The following PADI1 variants were observed in gnomAD, a reference collection of about 807,000 sequenced individuals.
PADI1 encodes protein-arginine deiminase type-1.
A neutral mutation model predicts 74.8 loss-of-function variants in PADI1; 65 were observed. That is an observed-to-expected ratio of 0.87 (90% CI 0.71 to 1.07). The LOEUF (loss-of-function observed/expected upper bound fraction) is 1.07, where lower values mean the gene tolerates loss of function less well. PADI1 is among the 50% of genes least tolerant of loss of function. PADI1 has a pLI of 0.00. For synonymous variants in PADI1, 371 were observed against 336.2 expected, an observed-to-expected ratio of 1.10 and a Z score of -1.13; for missense variants, 943 against 854.0, an observed-to-expected ratio of 1.10 and a Z score of -1.30.
chr1:17,243,531 T>C (rs926748224), intron 15 of PADI1, among the ~76,000 whole-genome samples: 1 of 152,204 alleles, frequency 6.6e-6, no homozygotes, highest in African/African-American at 2.4e-5. Flanking sequence ...GCTCAATAAA[T>C]GCTAACAATG....
rs770007543 is a variant in PADI1 at position 17,222,485 on chromosome 1, T to C, written c.273+15T>C. On this transcript the variant is annotated intron_variant, in intron 2 of 15. Coordinates refer to ENST00000375471, the MANE Select transcript of PADI1 (RefSeq NM_013358.3). ...AGGACTTCAAGGTAAGAGGCCACTT[T>C]CTCATAGAAAAGGGTTGGATCTCTC... is the stretch of plus-strand genomic sequence containing the variant. 2 of 1,603,076 alleles carry C rather than the reference T, an allele frequency of 1.2e-6. No homozygotes were observed. Among genetic ancestry groups the C allele is most frequent in the East Asian group, 2.2e-5 (1 of 44,780 alleles).
chr1:17,242,896 C>G (rs1387440680), intron 15 of PADI1, among the ~76,000 whole-genome samples: 1 of 152,114 alleles, frequency 6.6e-6, no homozygotes, highest in Non-Finnish European at 1.5e-5. Flanking sequence ...GCCCCACCCC[C>G]ACTCCCACCC....
chr1:17,239,244 G>A (rs1450612915), intron 13 of PADI1, among the ~76,000 whole-genome samples: 1 of 152,204 alleles, frequency 6.6e-6, no homozygotes, highest in Non-Finnish European at 1.5e-5. Flanking sequence ...AATGGATGTG[G>A]TGCAGACATC....
chr1:17,205,197 G>T lies in PADI1; in HGVS notation c.-21G>T, dbSNP rs760411086. ...CTGGGGAGCCAGGGCTGATCTAGGA[G>T]GCTGGGAGCCAGGTGACAGGATGGC... On this transcript the variant is annotated 5_prime_UTR_variant, in exon 1 of 16. The change creates a new upstream start codon in the 5' untranslated region. Transcript: ENST00000375471. 18 of 1,608,894 alleles carry T rather than the reference G, an allele frequency of 1.1e-5. No individual in the cohort carries two copies. The East Asian group carries it at 3.8e-4, about 34-fold the overall frequency.
intron 6 of PADI1, among the ~76,000 whole-genome samples, chr1:17,228,175 A>G (rs576093847): frequency 3.3e-5 from 5 of 152,110 alleles, no homozygotes; most frequent in African/African-American, 4.8e-5. Context: ...AATTTTTTGT[A>G]GAGATGGGGT....
At chr1:17,239,652 CG>C in intron 13 of PADI1, 51 bp from the exon 14 acceptor site, 1 of 1,356,150 alleles carries the variant, frequency 7.4e-7, no homozygotes, top group Non-Finnish European at 1.1e-6. Flanking sequence ...AGGCTGAAGA[CG>C]GCCTCCAGGC....
Position 17,244,278 on chromosome 1 carries a change from G to T in PADI1, c.*35G>T. 6.6e-7 allele frequency: 1 copy of T among 1,521,688 alleles called. No homozygotes were observed. Among genetic ancestry groups the T allele is most frequent in the South Asian group, 1.1e-5 (1 of 89,236 alleles). The allele number at this position is 1,521,688 out of a possible 1,614,324, so 94.3% of individuals were successfully genotyped here. On this transcript the variant is annotated 3_prime_UTR_variant, in exon 16 of 16. Coordinates refer to ENST00000375471, the MANE Select transcript of PADI1 (RefSeq NM_013358.3). ...CACCCGCCATCCTCTCTGCCCTCTT[G>T]CTAGGGAACCCTGCCAGGGTGAAGG...
intron 4 of PADI1, 101 bp downstream of exon 4, chr1:17,224,529 C>A: frequency 1.1e-6 from 1 of 923,828 alleles, no homozygotes; most frequent in South Asian, 1.4e-5. Context: ...GATGGATCCC[C>A]AGGGTCTGTA....
chr1:17,211,098 A>G (rs780102687), intron 1 of PADI1, among the ~76,000 whole-genome samples: 3 of 152,206 alleles, frequency 2.0e-5, no homozygotes, highest in African/African-American at 7.2e-5. Context: ...CCAGGGTCCT[A>G]TTAACGACAG....
At chr1:17,208,902 G>T (rs569578244) in intron 1 of PADI1, among the ~76,000 whole-genome samples, 2 of 152,296 alleles carry the variant, frequency 1.3e-5, no homozygotes, top group East Asian at 1.9e-4. Context: ...GATGCAGAAG[G>T]CCGGCCTTGT....
Position 17,208,696 on chromosome 1 carries a change from C to T in PADI1, c.92+3387C>T, listed in dbSNP as rs74805715. ...ACACCCCAGTGGGCTAGCTCACCAC[C>T]CTGATTCCCTGGATCTGGCCAGACT... On this transcript the variant is annotated intron_variant, in intron 1 of 15. Coordinates refer to ENST00000375471, the MANE Select transcript of PADI1 (RefSeq NM_013358.3). 8.7e-3 allele frequency among the ~76,000 whole-genome samples: 1,322 copies of T among 151,176 alleles called. 20 individuals carry two copies. Among genetic ancestry groups the T allele is most frequent in the African/African-American group, 0.03 (1,233 of 40,532 alleles).
chr1:17,240,863 G>A lies in PADI1; in HGVS notation c.1758+103G>A, dbSNP rs150116368. 1.2e-4 allele frequency: 147 copies of A among 1,274,994 alleles called. 2 individuals carry two copies. The African/African-American group carries it at 1.8e-3, about 16-fold the overall frequency. 79.0% of individuals were successfully genotyped at this position (1,274,994 alleles called of 1,614,324 possible). A position where few individuals can be genotyped will look rare whatever the true frequency, so the allele number is the denominator to read the frequency against. On this transcript the variant is annotated intron_variant, in intron 15 of 15. Transcript: ENST00000375471. ...TGGTGCAGAGGCTGGAGGGCCCTGC[G>A]GACCTCTCCAGTGTCTGTTTTTGTG...
chr1:17,214,406 A>C (rs1040257143), intron 1 of PADI1, among the ~76,000 whole-genome samples: 3 of 152,164 alleles, frequency 2.0e-5, no homozygotes, highest in Non-Finnish European at 2.9e-5. Flanking sequence ...GCTCATCAGC[A>C]TAACAGTGGA....
rs749865987 is a variant in PADI1 at position 17,238,724 on chromosome 1, C to G, written c.1552+15C>G. On this transcript the variant is annotated intron_variant, in intron 13 of 15. Coordinates refer to ENST00000375471, the MANE Select transcript of PADI1 (RefSeq NM_013358.3). ...CCAGTTTGATGGTGAGTGCCAATGA[C>G]CCGGTCACCCCTGGGGGACCCTGCC... The G allele has an allele frequency of 7.2e-6, 10 of 1,388,992 alleles. No individual in the cohort carries two copies. In the South Asian group the frequency reaches 1.4e-4, roughly 20 times the overall value. The allele number at this position is 1,388,992 out of a possible 1,614,324, so 86.0% of individuals were successfully genotyped here.
chr1:17,205,955 G>A (rs1268310751), intron 1 of PADI1, among the ~76,000 whole-genome samples: 4 of 152,178 alleles, frequency 2.6e-5, no homozygotes, highest in African/African-American at 7.2e-5. Flanking sequence ...ATCTGAGGGG[G>A]CATCAGTAGC....
At chr1:17,227,826 G>A (rs149446829) in intron 6 of PADI1, among the ~76,000 whole-genome samples, 127 of 152,342 alleles carry the variant, frequency 8.3e-4, no homozygotes, top group African/African-American at 2.9e-3. Flanking sequence ...CTCGACAAGT[G>A]AATGGATAGC....
chr1:17,240,698 G>A lies in PADI1; in HGVS notation c.1696G>A (p.Val566Met), dbSNP rs748957250. 16 of 1,613,946 alleles carry A rather than the reference G, an allele frequency of 9.9e-6. No homozygotes were observed. Among genetic ancestry groups the A allele is most frequent in the South Asian group, 8.8e-5 (8 of 91,086 alleles). The change falls in exon 15 of 16, where the codon GTG (valine) becomes ATG (methionine). Residue 566 changes from valine to methionine, a missense_variant. Val to Met is a conservative substitution (Grantham distance 21, BLOSUM62 1). Coordinates refer to ENST00000375471, the MANE Select transcript of PADI1 (RefSeq NM_013358.3). ...GCTGGGCCTGGCAGAGAGTGACATC[G>A]TGGACATTCCCCAGCTCTTCTTCCT... Reference protein sequence around the residue: ...RELGLAESDIVDIPQLFFLKN... With the variant: ...RELGLAESDIMDIPQLFFLKN...
chr1:17,244,796 G>GC lies in PADI1; in HGVS notation c.*554dup. 1 of 265,426 alleles carries GC rather than the reference G, an allele frequency of 3.8e-6. No homozygotes were observed. Among genetic ancestry groups the GC allele is most frequent in the Non-Finnish European group, 7.5e-6 (1 of 134,174 alleles). The allele number at this position is 265,426 out of a possible 1,614,324, so 16.4% of individuals were successfully genotyped here. A position where few individuals can be genotyped will look rare whatever the true frequency, so the allele number is the denominator to read the frequency against. Reference sequence around the variant, plus strand: ...CTCCACCCCCATCCAGCACCCTTCAGCTGTGTGTGGACAAACAAGGACAGA... The same window carrying GC: ...CTCCACCCCCATCCAGCACCCTTCAGCCTGTGTGTGGACAAACAAGGACAGA... On this transcript the variant is annotated 3_prime_UTR_variant, in exon 16 of 16. Coordinates refer to ENST00000375471, the MANE Select transcript of PADI1 (RefSeq NM_013358.3).
chr1:17,217,652 C>A (rs1188508685), intron 1 of PADI1, among the ~76,000 whole-genome samples: 1 of 152,156 alleles, frequency 6.6e-6, no homozygotes, highest in Non-Finnish European at 1.5e-5. Flanking sequence ...TGCATTTTAC[C>A]ATTGTCCAGA....
Sources: allele counts gnomAD v4.1 joint callset (sites outside exome capture counted in the v4.1 genomes callset), GRCh38; gene constraint gnomAD v4.1.1; transcripts MANE v1.5; gene names NCBI Gene and HGNC (gene_info 2026-07-23, HGNC 2026-07-21).